The following LRRC4C variants were observed in gnomAD, a reference collection of about 807,000 sequenced individuals.
The protein encoded by LRRC4C is leucine rich repeat containing 4C, also known as leucine-rich repeat-containing protein 4C.
LRRC4C carries 5 observed loss-of-function variants against 33.6 expected under a neutral mutation model. The ratio of observed to expected loss-of-function variants is 0.15; its 90% CI spans 0.08 to 0.31. The LOEUF is 0.31. Among genes scored for constraint, LRRC4C ranks in the 10% least tolerant of loss-of-function variants. The pLI, the probability that LRRC4C is intolerant of heterozygous loss-of-function variation, is 1.00. For synonymous variants in LRRC4C, 329 were observed against 302.0 expected, an observed-to-expected ratio of 1.09 and a Z score of -0.93; for missense variants, 560 against 796.7, an observed-to-expected ratio of 0.70 and a Z score of 3.58.
At position 40,410,780 on chromosome 11, in the gene LRRC4C, C is replaced by G. The variant is rs373601949; in HGVS notation, c.-269-91059G>C. On this transcript the variant is annotated intron_variant, in intron 3 of 6. Coordinates refer to ENST00000528697, the MANE Select transcript of LRRC4C (RefSeq NM_001258419.2). ...ACGGAATCCAGTAACGTAGGTGTTG[C>G]CTTTCCACTTCGGAGCAGAAAGAAA... Among the ~76,000 whole-genome samples the G allele has an allele frequency of 2.4e-4, 36 of 152,210 alleles. 1 individual carries two copies. In the South Asian group the frequency reaches 6.8e-3, roughly 29 times the overall value.
intron 1 of LRRC4C, among the ~76,000 whole-genome samples, chr11:41,307,516 G>A (rs1950538262): frequency 6.6e-6 from 1 of 152,166 alleles, no homozygotes. Context: ...CAATGAATGG[G>A]CCCTTACTTA....
At chr11:41,206,807 C>T (rs1217887877) in intron 1 of LRRC4C, among the ~76,000 whole-genome samples, 1 of 151,970 alleles carries the variant, frequency 6.6e-6, no homozygotes, top group Non-Finnish European at 1.5e-5. Flanking sequence ...TAATCTCAAT[C>T]CTCATAACCA....
intron 1 of LRRC4C, among the ~76,000 whole-genome samples, chr11:41,383,963 G>A (rs1201148988): frequency 4.6e-5 from 7 of 151,978 alleles, no homozygotes; most frequent in African/African-American, 1.7e-4. Flanking sequence ...AGTAGGTCAG[G>A]GTTTTGTGCC....
intron 3 of LRRC4C, among the ~76,000 whole-genome samples, chr11:40,320,780 T>C (rs10768598): frequency 0.95 from 144,639 of 152,178 alleles, 69,182 homozygotes; most frequent in Middle Eastern, 1. Context: ...ATAATTTTCC[T>C]TCTGAGGGTA....
intron 1 of LRRC4C, among the ~76,000 whole-genome samples, chr11:41,068,199 C>G (rs939961866): frequency 6.6e-6 from 1 of 152,138 alleles, no homozygotes; most frequent in Non-Finnish European, 1.5e-5. Context: ...TCAAGACCAG[C>G]CTGGCCAACG....
chr11:40,307,882 A>C (rs2136720005), intron 4 of LRRC4C, among the ~76,000 whole-genome samples: 1 of 152,364 alleles, frequency 6.6e-6, no homozygotes, highest in South Asian at 2.1e-4. Context: ...TTGAGCCAAT[A>C]GAGGTTTATT....
intron 2 of LRRC4C, among the ~76,000 whole-genome samples, chr11:40,856,924 A>G (rs1198480343): frequency 6.6e-6 from 1 of 152,180 alleles, no homozygotes; most frequent in Non-Finnish European, 1.5e-5. Flanking sequence ...TTGAAAGTGT[A>G]CATCTTATGG....
At chr11:40,349,483 T>G (rs1452367218) in intron 3 of LRRC4C, among the ~76,000 whole-genome samples, 1 of 152,128 alleles carries the variant, frequency 6.6e-6, no homozygotes, top group African/African-American at 2.4e-5. Context: ...TGGTGAACAC[T>G]TCGGTTGCTT....
intron 4 of LRRC4C, among the ~76,000 whole-genome samples, chr11:40,297,965 T>TC (rs1035370189): frequency 3.3e-5 from 5 of 152,088 alleles, no homozygotes; most frequent in Non-Finnish European, 7.4e-5. Context: ...CATGTCTATG[T>TC]CCCCCCCAAC....
chr11:41,066,489 C>T (rs917663372), intron 1 of LRRC4C, among the ~76,000 whole-genome samples: 2 of 152,166 alleles, frequency 1.3e-5, no homozygotes, highest in Non-Finnish European at 2.9e-5. Flanking sequence ...TTGAAAAACA[C>T]ACTTGAGGAT....
intron 1 of LRRC4C, among the ~76,000 whole-genome samples, chr11:40,974,169 G>T (rs1851920603): frequency 1.3e-5 from 2 of 152,054 alleles, no homozygotes; most frequent in African/African-American, 4.8e-5. Context: ...CTTTTCTTTG[G>T]ATTAACTTAA....
intron 5 of LRRC4C, among the ~76,000 whole-genome samples, chr11:40,194,008 ATGGAACCAAGT>A (rs1461309545): frequency 2.0e-5 from 3 of 152,194 alleles, no homozygotes; most frequent in Non-Finnish European, 4.4e-5. Flanking sequence ...GACAGGGAGA[ATGGAACCAAGT>A]TGGAAAACAC....
intron 1 of LRRC4C, among the ~76,000 whole-genome samples, chr11:41,314,288 A>G (rs770736707): frequency 1.3e-5 from 2 of 152,192 alleles, no homozygotes; most frequent in Non-Finnish European, 2.9e-5. Context: ...TATAGGTATC[A>G]GTTAAGTTTA....
intron 1 of LRRC4C, among the ~76,000 whole-genome samples, chr11:41,006,997 C>T (rs1420899918): frequency 1.3e-5 from 2 of 152,010 alleles, no homozygotes; most frequent in African/African-American, 4.8e-5. Context: ...CTGAGCAAAT[C>T]AGTAGAATGA....
In LRRC4C at chr11:40,369,636, C is replaced by A. The variant is rs1445971050; in HGVS notation, c.-269-49915G>T. On this transcript the variant is annotated intron_variant, in intron 3 of 6. Coordinates refer to ENST00000528697, the MANE Select transcript of LRRC4C (RefSeq NM_001258419.2). ...TAAAGGCGTAAGCCAACACACCCAG[C>A]CATTCTGTAGTTTTTTAAAGAAAGT... Among the ~76,000 whole-genome samples the A allele has an allele frequency of 2.0e-5, 3 of 152,320 alleles. 1 individual carries two copies. The highest frequency in any genetic ancestry group is 6.8e-3 in the Middle Eastern group (2 of 294).
chr11:40,691,473 C>G (rs756518168), intron 2 of LRRC4C, among the ~76,000 whole-genome samples: 6 of 152,062 alleles, frequency 3.9e-5, no homozygotes, highest in Non-Finnish European at 5.9e-5. Context: ...TATTATTATG[C>G]CTTCAGGCAT....
chr11:40,413,867 G>T (rs1034889813), intron 3 of LRRC4C, among the ~76,000 whole-genome samples: 2 of 152,102 alleles, frequency 1.3e-5, no homozygotes, highest in South Asian at 2.1e-4. Context: ...TGAATCAATA[G>T]TAAATCATAT....
chr11:41,118,471 G>T (rs1484015794), intron 1 of LRRC4C, among the ~76,000 whole-genome samples: 1 of 152,144 alleles, frequency 6.6e-6, no homozygotes, highest in Non-Finnish European at 1.5e-5. Context: ...CAAGCCAAAA[G>T]CTTAGAACAA....
intron 3 of LRRC4C, among the ~76,000 whole-genome samples, chr11:40,323,672 T>C (rs1303464311): frequency 3.3e-5 from 5 of 152,192 alleles, no homozygotes; most frequent in African/African-American, 1.2e-4. Context: ...AGCTTATTCC[T>C]TTTTTCCTCT....
Sources: gnomAD v4.1 joint callset for allele counts (sites outside exome capture counted in the v4.1 genomes callset) on GRCh38, gnomAD v4.1.1 for gene constraint, MANE v1.5 for transcripts, NCBI Gene and HGNC (gene_info 2026-07-23, HGNC 2026-07-21) for gene names.